The following NCR3LG1 variants were observed in gnomAD, a reference collection of about 807,000 sequenced individuals.
NCR3LG1 encodes the protein natural cytotoxicity triggering receptor 3 ligand 1.
A neutral mutation model predicts 34.8 loss-of-function variants in NCR3LG1; 35 were observed. The observed-to-expected ratio is 1.01, with a 90% CI of 0.77 to 1.33. The LOEUF (loss-of-function observed/expected upper bound fraction) is 1.33, where lower values mean the gene tolerates loss of function less well. NCR3LG1 is among the 40% of genes most tolerant of loss of function. The pLI, the probability that NCR3LG1 is intolerant of heterozygous loss-of-function variation, is 0.00. For synonymous variants in NCR3LG1, 173 were observed against 163.6 expected, an observed-to-expected ratio of 1.06 and a Z score of -0.44; for missense variants, 452 against 423.3, an observed-to-expected ratio of 1.07 and a Z score of -0.60.
chr11:17,357,464 G>A (rs1953223555), intron 2 of NCR3LG1, among the ~76,000 whole-genome samples: 1 of 152,148 alleles, frequency 6.6e-6, no homozygotes, highest in Admixed American at 6.5e-5. Context: ...CAGAGATACT[G>A]GGAATTCTGG....
At position 17,374,410 on chromosome 11, in the gene NCR3LG1, C is replaced by T. The variant is rs577594947; in HGVS notation, c.*1898C>T. ...GGCAAGTATTGTCAAGAGATCTCTT[C>T]GAATTCTTCCATTCTCAGGTTAAAG... On this transcript the variant is annotated 3_prime_UTR_variant, in exon 5 of 5. Transcript: ENST00000338965. 1.4e-4 allele frequency: 21 copies of T among 152,268 alleles called. No homozygotes were observed. The South Asian group carries it at 2.1e-3, about 15-fold the overall frequency. The allele number at this position is 152,268 out of a possible 1,614,324, so 9.4% of individuals were successfully genotyped here. A position where few individuals can be genotyped will look rare whatever the true frequency, so the allele number is the denominator to read the frequency against.
At chr11:17,366,574 T>G (rs148383549) in intron 2 of NCR3LG1, among the ~76,000 whole-genome samples, 34 of 152,304 alleles carry the variant, frequency 2.2e-4, no homozygotes, top group African/African-American at 7.7e-4. Context: ...TTCCTCAGAT[T>G]ATGAAAGGTG....
At position 17,374,327 on chromosome 11, in the gene NCR3LG1, ACC is replaced by A. The variant is rs2133368008; in HGVS notation, c.*1817_*1818del. 6.6e-6 allele frequency: 1 copy of A among 152,210 alleles called. No homozygotes were observed. The highest frequency in any genetic ancestry group is 2.4e-5 in the African/African-American group (1 of 41,536). 9.4% of individuals were successfully genotyped at this position (152,210 alleles called of 1,614,324 possible). A position where few individuals can be genotyped will look rare whatever the true frequency, so the allele number is the denominator to read the frequency against. On this transcript the variant is annotated 3_prime_UTR_variant, in exon 5 of 5. Transcript: ENST00000338965. ...CTTTGAAGACCCCTCCAATCAAACC[ACC>A]CAGTTAACCTGGACTGTACTGCCTC... is the stretch of plus-strand genomic sequence containing the variant.
At chr11:17,354,875 GAT>G (rs1193291861) in intron 1 of NCR3LG1, among the ~76,000 whole-genome samples, 5 of 152,030 alleles carry the variant, frequency 3.3e-5, no homozygotes, top group Admixed American at 6.6e-5. Context: ...ACTTTATTTA[GAT>G]ATGTTGGATG....
chr11:17,367,645 G>T (rs1261586455), intron 3 of NCR3LG1, among the ~76,000 whole-genome samples: 1 of 152,134 alleles, frequency 6.6e-6, no homozygotes. Flanking sequence ...TGGTCCATAT[G>T]GCTTGAAATA....
rs946375633 is a variant in NCR3LG1 at position 17,368,918 on chromosome 11, T to C, written c.812T>C (p.Ile271Thr). ...FSIHWWPISF[I>T]GVGLVLLIVL... ...ATTCATTGGTGGCCTATTTCATTCA[T>C]TGGTGTTGGACTGGTTTTATTAATT... The change falls in exon 4 of 5, where the codon ATT becomes ACT. Residue 271 changes from isoleucine to threonine, a missense_variant. Physicochemically the swap from Ile to Thr is moderately conservative, Grantham distance 89. Transcript: ENST00000338965. The C allele has an allele frequency of 1.9e-5, 29 of 1,535,520 alleles. No homozygotes were observed. Among genetic ancestry groups the C allele is most frequent in the African/African-American group, 2.7e-5 (2 of 72,986 alleles).
Position 17,358,261 on chromosome 11 carries a change from G to T in NCR3LG1, c.421+1260G>T, listed in dbSNP as rs142559595. Among the ~76,000 whole-genome samples, 3 of 152,204 alleles carry T rather than the reference G, an allele frequency of 2.0e-5. No individual in the cohort carries two copies. In the East Asian group the frequency reaches 5.8e-4, roughly 29 times the overall value. On this transcript the variant is annotated intron_variant, in intron 2 of 4. Coordinates refer to ENST00000338965, the MANE Select transcript of NCR3LG1 (RefSeq NM_001202439.3). ...TGTCCTTTTCCTGCTCCAGGATCCC[G>T]TCAGAATACCACATTGCATTTAATT...
intron 3 of NCR3LG1, 34 bp from the exon 4 acceptor site, chr11:17,368,833 G>A (rs1378975094): frequency 3.5e-6 from 5 of 1,413,972 alleles, no homozygotes; most frequent in Admixed American, 2.0e-5. Context: ...TTGCCAGTAG[G>A]TTTCCTGCTA....
At chr11:17,378,734 G>A (rs138608394), downstream of NCR3LG1, among the ~76,000 whole-genome samples, 7 of 152,224 alleles carry the variant, frequency 4.6e-5, no homozygotes, top group African/African-American at 1.7e-4. Context: ...AGTTAGGGTG[G>A]GTCCTCGGTA....
rs1953355799 is a variant in NCR3LG1, at chr11:17,367,275, G to A, written c.688G>A (p.Val230Ile). ...EDPGTVYQCV[V>I]RHASLHTPLR... ...CCCTGGGACTGTCTACCAGTGTGTG[G>A]TACGGCATGCGTCCTTGCATACCCC... The change falls in exon 3 of 5, where the codon GTA becomes ATA. Residue 230 changes from valine to isoleucine, a missense_variant. Coordinates refer to ENST00000338965, the MANE Select transcript of NCR3LG1 (RefSeq NM_001202439.3). 1 of 1,536,240 alleles carries A rather than the reference G, an allele frequency of 6.5e-7. No homozygotes were observed. Among genetic ancestry groups the A allele is most frequent in the South Asian group, 1.2e-5 (1 of 84,060 alleles).
chr11:17,366,576 T>C (rs1200802328), intron 2 of NCR3LG1, among the ~76,000 whole-genome samples: 1 of 152,214 alleles, frequency 6.6e-6, no homozygotes, highest in Non-Finnish European at 1.5e-5. Flanking sequence ...CCTCAGATTA[T>C]GAAAGGTGTC....
At chr11:17,360,856 C>G (rs1391210579) in intron 2 of NCR3LG1, among the ~76,000 whole-genome samples, 3 of 152,194 alleles carry the variant, frequency 2.0e-5, no homozygotes. Context: ...ACCATCTCAG[C>G]TTTCCGAGTA....
rs1412089022 is a variant in NCR3LG1, at chr11:17,368,923, G to A, written c.817G>A (p.Val273Ile). ...IHWWPISFIG[V>I]GLVLLIVLIP... is the part of the protein sequence containing the mutation. ...TTGGTGGCCTATTTCATTCATTGGT[G>A]TTGGACTGGTTTTATTAATTGTTTT... The change falls in exon 4 of 5, where the codon GTT becomes ATT. Residue 273 changes from valine to isoleucine, a missense_variant. Val to Ile is a conservative substitution (Grantham distance 29). Transcript: ENST00000338965. 3 of 1,535,088 alleles carry A rather than the reference G, an allele frequency of 2.0e-6. No individual in the cohort carries two copies. The highest frequency in any genetic ancestry group is 2.7e-5 in the African/African-American group (2 of 72,932).
At chr11:17,363,013 T>C (rs1953299518) in intron 2 of NCR3LG1, among the ~76,000 whole-genome samples, 1 of 148,768 alleles carries the variant, frequency 6.7e-6, no homozygotes, top group South Asian at 2.2e-4. Flanking sequence ...CTTGACCTCC[T>C]GGGCACTAGC....
intron 1 of NCR3LG1, among the ~76,000 whole-genome samples, chr11:17,352,267 G>A (rs1030123457): frequency 2.9e-5 from 4 of 137,036 alleles, no homozygotes; most frequent in Admixed American, 8.3e-5. Flanking sequence ...TGCAAGCTCC[G>A]CCTCCCAGGT....
intron 1 of NCR3LG1, among the ~76,000 whole-genome samples, chr11:17,352,857 T>G (rs372762524): frequency 2.0e-3 from 311 of 151,938 alleles, no homozygotes; most frequent in African/African-American, 7.2e-3. Context: ...AACAGGAGAC[T>G]AAAAGGCTGA....
At chr11:17,370,509 T>G (rs571034591) in intron 4 of NCR3LG1, among the ~76,000 whole-genome samples, 21 of 152,328 alleles carry the variant, frequency 1.4e-4, no homozygotes, top group Non-Finnish European at 2.6e-4. Context: ...AGTTAAAAGC[T>G]TTTAGAGCGG....
At chr11:17,381,450 A>G (rs1318502853), downstream of NCR3LG1, 3 of 152,592 alleles carry the variant, frequency 2.0e-5, no homozygotes, top group Admixed American at 6.5e-5. Flanking sequence ...GAACTATGGA[A>G]TGATTTTTAT....
chr11:17,354,244 T>C (rs1348034972), intron 1 of NCR3LG1, among the ~76,000 whole-genome samples: 1 of 152,246 alleles, frequency 6.6e-6, no homozygotes, highest in Non-Finnish European at 1.5e-5. Context: ...GCATAAATGC[T>C]TTTCCTTGGA....
Sources: gnomAD v4.1 joint callset for allele counts (sites outside exome capture counted in the v4.1 genomes callset) on GRCh38, gnomAD v4.1.1 for gene constraint, MANE v1.5 for transcripts, NCBI Gene and HGNC (gene_info 2026-07-23, HGNC 2026-07-21) for gene names.